TARBP1: variants seen among roughly 807,000 people sequenced by gnomAD.
TARBP1 encodes tRNA guanosine 2 -O-methyltransferase TARBP1.
Under a neutral mutation model 178.6 loss-of-function variants are expected in TARBP1, and 144 were observed. The observed-to-expected ratio is 0.81, with a 90% confidence interval of 0.70 to 0.93. The LOEUF (loss-of-function observed/expected upper bound fraction) is 0.93, where lower values mean the gene tolerates loss of function less well. Ranked by LOEUF, TARBP1 falls within the 40% of genes least tolerant of loss-of-function variation. The pLI is 0.00. For synonymous variants in TARBP1, 787 were observed against 781.0 expected (o/e 1.01, Z -0.13); for missense variants, 2,067 against 2,011.7 (o/e 1.03, Z -0.53).
chr1:234,461,654 G>A (rs1310847496), intron 6 of TARBP1, among the ~76,000 whole-genome samples: 2 of 152,158 alleles, frequency 1.3e-5, no homozygotes, highest in Non-Finnish European at 2.9e-5. Flanking sequence ...TTCTATTTGA[G>A]ATGTGAAGGA....
In TARBP1 at chr1:234,391,327, A is replaced by C. The variant is rs987050705; in HGVS notation, c.*250T>G. The C allele has an allele frequency of 4.6e-5, 16 of 349,930 alleles. No individual in the cohort carries two copies. Among genetic ancestry groups the C allele is most frequent in the African/African-American group, 3.2e-4 (15 of 47,332 alleles). The allele number at this position is 349,930 out of a possible 1,614,324, so 21.7% of individuals were successfully genotyped here. The stretch of plus-strand genomic sequence containing the variant: ...TAGGAAATAAATTCTCTCTTAAAAA[A>C]TCCATTGTTTTATTTCCACAATTGC... On this transcript the variant is annotated 3_prime_UTR_variant, in exon 30 of 30. Coordinates refer to ENST00000040877, the MANE Select transcript of TARBP1 (RefSeq NM_005646.4).
intron 25 of TARBP1, 37 bp from the exon 26 acceptor site, chr1:234,398,590 TAAG>T: frequency 4.2e-6 from 6 of 1,443,332 alleles, no homozygotes; most frequent in Non-Finnish European, 5.6e-6. Flanking sequence ...TTTCTTCCCT[TAAG>T]AATAACAAAG....
chr1:234,454,066 T>G (rs1667055748), intron 9 of TARBP1, among the ~76,000 whole-genome samples: 1 of 152,192 alleles, frequency 6.6e-6, no homozygotes, highest in African/African-American at 2.4e-5. Flanking sequence ...GGCAAATGTC[T>G]CACTCCTTAA....
chr1:234,412,292 G>A (rs1248328988), intron 22 of TARBP1, among the ~76,000 whole-genome samples: 1 of 152,004 alleles, frequency 6.6e-6, no homozygotes, highest in Non-Finnish European at 1.5e-5. Context: ...CATGGTGGTG[G>A]GCACCTGTAA....
chr1:234,463,433 T>C (rs1034109801), intron 6 of TARBP1, among the ~76,000 whole-genome samples: 1 of 152,224 alleles, frequency 6.6e-6, no homozygotes, highest in Non-Finnish European at 1.5e-5. Context: ...TTATTTTTTC[T>C]TTCTTATCTT....
At position 234,450,584 on chromosome 1, in the gene TARBP1, T is replaced by C; in HGVS notation, c.1723-18A>G. 10 of 1,601,514 alleles carry C rather than the reference T, an allele frequency of 6.2e-6. No homozygotes were observed. Among genetic ancestry groups the C allele is most frequent in the Non-Finnish European group, 8.5e-6 (10 of 1,176,418 alleles). ...TCACACAGCTGGAAAAGAAAACAGTTATTACTTTATTTTAAAAACCTAACC... is the reference window on the plus strand; with the variant it reads ...TCACACAGCTGGAAAAGAAAACAGTCATTACTTTATTTTAAAAACCTAACC... On this transcript the variant is annotated intron_variant, in intron 9 of 29. Coordinates refer to ENST00000040877, the MANE Select transcript of TARBP1 (RefSeq NM_005646.4).
intron 23 of TARBP1, among the ~76,000 whole-genome samples, chr1:234,410,200 C>T (rs1288283311): frequency 6.6e-6 from 1 of 152,152 alleles, no homozygotes; most frequent in African/African-American, 2.4e-5. Context: ...TCAACAAAAA[C>T]TTACCCAGTA....
intron 1 of TARBP1, among the ~76,000 whole-genome samples, chr1:234,476,391 C>T (rs1669570708): frequency 1.3e-5 from 2 of 152,298 alleles, no homozygotes; most frequent in South Asian, 4.1e-4. Context: ...CTCAACAGAA[C>T]ACCCAGGTGA....
intron 12 of TARBP1, among the ~76,000 whole-genome samples, chr1:234,444,459 G>C (rs1027227056): frequency 1.3e-5 from 2 of 152,154 alleles, no homozygotes; most frequent in Non-Finnish European, 2.9e-5. Flanking sequence ...AATCTCATCT[G>C]ATTAGGCACA....
In TARBP1 at chr1:234,398,566, T is replaced by A. The variant is rs778077275; in HGVS notation, c.4072-13A>T. 6.6e-7 allele frequency: 1 copy of A among 1,525,536 alleles called. No homozygotes were observed. The highest frequency in any genetic ancestry group is 8.8e-7 in the Non-Finnish European group (1 of 1,130,272). 94.5% of individuals were successfully genotyped at this position (1,525,536 alleles called of 1,614,324 possible). Reference sequence around the variant, plus strand: ...TGTAAAATATGGTCTGAAAAGAGAATTATAAAATCTAAATTTCTTCCCTTA... The same window carrying A: ...TGTAAAATATGGTCTGAAAAGAGAAATATAAAATCTAAATTTCTTCCCTTA... On this transcript the variant is annotated splice_polypyrimidine_tract_variant and intron_variant, in intron 25 of 29. Transcript: ENST00000040877.
At chr1:234,452,689 A>G (rs1224594341) in intron 9 of TARBP1, among the ~76,000 whole-genome samples, 1 of 152,130 alleles carries the variant, frequency 6.6e-6, no homozygotes, top group Non-Finnish European at 1.5e-5. Flanking sequence ...TTACCACTCA[A>G]TCTGGCAACT....
At chr1:234,460,643 G>A (rs191309781) in intron 6 of TARBP1, among the ~76,000 whole-genome samples, 1 of 152,136 alleles carries the variant, frequency 6.6e-6, no homozygotes, top group African/African-American at 2.4e-5. Context: ...AAATATGGCA[G>A]TTCCTCCAAA....
chr1:234,474,228 C>T (rs1416713988), intron 1 of TARBP1, among the ~76,000 whole-genome samples: 1 of 136,866 alleles, frequency 7.3e-6, no homozygotes, highest in Non-Finnish European at 1.5e-5. Flanking sequence ...TGGGCAAGAG[C>T]GAGGATTTGT....
At chr1:234,477,005 G>A (rs1297495540) in intron 1 of TARBP1, among the ~76,000 whole-genome samples, 2 of 152,220 alleles carry the variant, frequency 1.3e-5, no homozygotes, top group African/African-American at 2.4e-5. Flanking sequence ...GACCAACACG[G>A]TGAAACCCCG....
At position 234,427,644 on chromosome 1, in the gene TARBP1, A is replaced by T; in HGVS notation, c.3183T>A (p.Ser1061Arg). The T allele has an allele frequency of 6.3e-7, 1 of 1,598,382 alleles. No homozygotes were observed. Among genetic ancestry groups the T allele is most frequent in the Non-Finnish European group, 8.5e-7 (1 of 1,175,820 alleles). The part of the protein sequence containing the change: ...ASNVSQGSLS[S>R]AKNYSELILE... ...GGATAAGTTCGCTATAATTTTTAGC[A>T]CTTGATAAAGATCCTTGGGACACAT... is the stretch of plus-strand genomic sequence containing the variant. Residue 1061 changes from serine to arginine, a missense_variant, in exon 18 of 30, where the codon AGT becomes AGA. Physicochemically the swap from Ser to Arg is moderately radical, Grantham distance 110 (BLOSUM62 -1). Coordinates refer to ENST00000040877, the MANE Select transcript of TARBP1 (RefSeq NM_005646.4).
intron 3 of TARBP1, among the ~76,000 whole-genome samples, chr1:234,470,864 C>T (rs1048416698): frequency 6.6e-5 from 10 of 152,302 alleles, no homozygotes; most frequent in African/African-American, 2.4e-4. Context: ...GATCCGCCCA[C>T]CTCTGCCTCC....
chr1:234,462,203 T>C (rs565451185), intron 6 of TARBP1, among the ~76,000 whole-genome samples: 9 of 152,236 alleles, frequency 5.9e-5, no homozygotes, highest in Non-Finnish European at 1.3e-4. Flanking sequence ...CGATTCAACA[T>C]ATTTACCAAG....
chr1:234,392,645 A>T, intron 28 of TARBP1, 93 bp from the exon 29 acceptor site: 2 of 1,127,420 alleles, frequency 1.8e-6, no homozygotes, highest in Non-Finnish European at 2.5e-6. Context: ...CCTAAACTTA[A>T]CTCTTTAAAA....
intron 2 of TARBP1, among the ~76,000 whole-genome samples, chr1:234,471,713 A>G (rs1669075976): frequency 1.3e-5 from 2 of 152,220 alleles, no homozygotes; most frequent in Admixed American, 1.3e-4. Flanking sequence ...ATTAATTTAC[A>G]TATCCTTCAA....
Sources: gnomAD v4.1 joint callset for allele counts (sites outside exome capture counted in the v4.1 genomes callset) on GRCh38, gnomAD v4.1.1 for gene constraint, MANE v1.5 for transcripts, NCBI Gene and HGNC (gene_info 2026-07-23, HGNC 2026-07-21) for gene names.